WWC2: variants seen among roughly 807,000 people sequenced by gnomAD.
WWC2 encodes WW and C2 domain containing 2, also known as protein WWC2.
Under a neutral mutation model 138.5 loss-of-function variants are expected in WWC2, and 101 were observed. The ratio of observed to expected loss-of-function variants is 0.73; its 90% CI spans 0.62 to 0.86. The LOEUF is 0.86. Ranked by LOEUF, WWC2 falls within the 40% of genes least tolerant of loss-of-function variation. The pLI, the probability that WWC2 is intolerant of heterozygous loss-of-function variation, is 0.00. For missense variants in WWC2, 1,420 were observed against 1,419.4 expected (o/e 1.00, Z -0.01); for synonymous variants, 558 against 538.4 (o/e 1.04, Z -0.50).
intron 11 of WWC2, among the ~76,000 whole-genome samples, chr4:183,264,014 C>T (rs1737416887): frequency 6.6e-6 from 1 of 152,186 alleles, no homozygotes; most frequent in African/African-American, 2.4e-5. Context: ...TTGTCAAAGT[C>T]AATTTCAGGC....
Position 183,318,641 on chromosome 4 carries a change from A to G in WWC2, c.*2912A>G, listed in dbSNP as rs1318000155. ...CAAATACAAAATATTTCATGAAGAAATCCCCAGGCTGGCAGTTTGTGATGA... is the reference window on the plus strand; with the variant it reads ...CAAATACAAAATATTTCATGAAGAAGTCCCCAGGCTGGCAGTTTGTGATGA... On this transcript the variant is annotated 3_prime_UTR_variant, in exon 23 of 23. Coordinates refer to ENST00000403733, the MANE Select transcript of WWC2 (RefSeq NM_024949.6). 1 of 152,258 alleles carries G rather than the reference A, an allele frequency of 6.6e-6. No individual in the cohort carries two copies. Among genetic ancestry groups the G allele is most frequent in the Admixed American group, 6.5e-5 (1 of 15,290 alleles). 9.4% of individuals were successfully genotyped at this position (152,258 alleles called of 1,614,324 possible).
rs141073639 is a variant in WWC2 at position 183,150,674 on chromosome 4, C to T, written c.132-42925C>T. Among the ~76,000 whole-genome samples, 9 of 152,142 alleles carry T rather than the reference C, an allele frequency of 5.9e-5. No individual in the cohort carries two copies. The East Asian group carries it at 1.5e-3, about 26-fold the overall frequency. The stretch of plus-strand genomic sequence containing the variant: ...AAGTATTTCTCCTAATGCTATCCCT[C>T]CCCCATCTCCCCACCCCACAACAGG... On this transcript the variant is annotated intron_variant, in intron 1 of 22. Coordinates refer to ENST00000403733, the MANE Select transcript of WWC2 (RefSeq NM_024949.6).
chr4:183,297,049 A>G (rs1738655733), intron 21 of WWC2, among the ~76,000 whole-genome samples: 1 of 150,576 alleles, frequency 6.6e-6, no homozygotes, highest in Non-Finnish European at 1.5e-5. Context: ...ACCACAGCCC[A>G]CTACAGCCTC....
intron 1 of WWC2, among the ~76,000 whole-genome samples, chr4:183,186,667 A>C (rs1028436063): frequency 7.2e-5 from 11 of 152,134 alleles, no homozygotes; most frequent in African/African-American, 2.7e-4. Flanking sequence ...TAAGGGCAGG[A>C]GACTGGCAGG....
At chr4:183,207,392 A>G (rs1457777146) in intron 2 of WWC2, among the ~76,000 whole-genome samples, 2 of 152,222 alleles carry the variant, frequency 1.3e-5, no homozygotes, top group South Asian at 4.1e-4. Context: ...AAAAGTGAAA[A>G]TGTATACACA....
At chr4:183,230,632 G>A (rs1736215959) in intron 4 of WWC2, among the ~76,000 whole-genome samples, 2 of 152,062 alleles carry the variant, frequency 1.3e-5, no homozygotes, top group African/African-American at 4.8e-5. Flanking sequence ...AGCCGAGATT[G>A]TGTCATTGCA....
Position 183,320,409 on chromosome 4 carries a change from T to A in WWC2, c.*4680T>A, listed in dbSNP as rs1005705028. 1 of 632,380 alleles carries A rather than the reference T, an allele frequency of 1.6e-6. No individual in the cohort carries two copies. Among genetic ancestry groups the A allele is most frequent in the Non-Finnish European group, 2.8e-6 (1 of 362,272 alleles). The allele number at this position is 632,380 out of a possible 1,614,324, so 39.2% of individuals were successfully genotyped here. On this transcript the variant is annotated 3_prime_UTR_variant, in exon 23 of 23. Transcript: ENST00000403733. Reference sequence around the variant, plus strand: ...GTTTCACAAAAGGATAGGGAAATAATGCCGCCAACCAGTAATGCCAAGGTG... The same window carrying A: ...GTTTCACAAAAGGATAGGGAAATAAAGCCGCCAACCAGTAATGCCAAGGTG...
chr4:183,123,226 C>T (rs181004731), intron 1 of WWC2, among the ~76,000 whole-genome samples: 1 of 152,050 alleles, frequency 6.6e-6, no homozygotes, highest in East Asian at 1.9e-4. Flanking sequence ...AATTTGTAAA[C>T]CCAAAAAATT....
At chr4:183,261,779 T>G (rs775416162) in intron 11 of WWC2, among the ~76,000 whole-genome samples, 1 of 152,226 alleles carries the variant, frequency 6.6e-6, no homozygotes, top group East Asian at 1.9e-4. Context: ...CCAGAGACAC[T>G]CTGTGTGTGG....
chr4:183,150,352 C>T (rs559192594), intron 1 of WWC2, among the ~76,000 whole-genome samples: 1 of 152,204 alleles, frequency 6.6e-6, no homozygotes, highest in South Asian at 2.1e-4. Flanking sequence ...AGTTCAAGGT[C>T]ATCAGAGGCC....
chr4:183,124,536 C>CTTTTTTTTTTTTTTTTTT (rs370409813), intron 1 of WWC2, among the ~76,000 whole-genome samples: 3 of 122,808 alleles, frequency 2.4e-5, no homozygotes, highest in African/African-American at 6.2e-5. Flanking sequence ...TCCTTTTTCT[C>CTTTTTTTTTTTTTTTTTT]TTTTTTTTTT....
chr4:183,298,298 A>G (rs1054120864), intron 21 of WWC2, among the ~76,000 whole-genome samples: 1 of 152,220 alleles, frequency 6.6e-6, no homozygotes, highest in African/African-American at 2.4e-5. Context: ...ACAGTTCAGT[A>G]TAAAACTCCT....
At chr4:183,275,523 G>A (rs995880464) in intron 16 of WWC2, among the ~76,000 whole-genome samples, 6 of 152,094 alleles carry the variant, frequency 3.9e-5, no homozygotes, top group Non-Finnish European at 7.4e-5. Context: ...ATTAAAGGCC[G>A]TTGGATTTGT....
chr4:183,215,785 G>T (rs1382901509), intron 4 of WWC2, among the ~76,000 whole-genome samples: 1 of 152,132 alleles, frequency 6.6e-6, no homozygotes, highest in Non-Finnish European at 1.5e-5. Context: ...TCTTCACCTA[G>T]CTAAGCTACC....
chr4:183,265,826 G>A (rs761220335), intron 13 of WWC2, 39 bp from the exon 14 acceptor site: 5 of 1,609,018 alleles, frequency 3.1e-6, no homozygotes, highest in African/African-American at 2.7e-5. Context: ...CAAGTGGCCT[G>A]TGGTGATTCC....
At chr4:183,179,429 G>A (rs1357930076) in intron 1 of WWC2, among the ~76,000 whole-genome samples, 2 of 152,168 alleles carry the variant, frequency 1.3e-5, no homozygotes, top group Non-Finnish European at 2.9e-5. Flanking sequence ...ATAGAGGGAT[G>A]AGAGTGGAAA....
At position 183,319,811 on chromosome 4, in the gene WWC2, G is replaced by A. The variant is rs1437791586; in HGVS notation, c.*4082G>A. On this transcript the variant is annotated 3_prime_UTR_variant, in exon 23 of 23. Transcript: ENST00000403733. Reference sequence around the variant, plus strand: ...CCGTCTTGTGGGCAACCCAAGAGACGGGAACCAGGGCTGTGACTCCCGAGG... The same window carrying A: ...CCGTCTTGTGGGCAACCCAAGAGACAGGAACCAGGGCTGTGACTCCCGAGG... 15 of 1,613,880 alleles carry A rather than the reference G, an allele frequency of 9.3e-6. No homozygotes were observed. The highest frequency in any genetic ancestry group is 1.6e-4 in the Middle Eastern group (1 of 6,078).
At position 183,261,145 on chromosome 4, in the gene WWC2, A is replaced by G. The variant is rs768943516; in HGVS notation, c.1522A>G (p.Asn508Asp). The G allele has an allele frequency of 6.2e-7, 1 of 1,613,976 alleles. No homozygotes were observed. Among genetic ancestry groups the G allele is most frequent in the South Asian group, 1.1e-5 (1 of 91,070 alleles). The change falls in exon 11 of 23, where the codon AAC becomes GAC. Residue 508 changes from asparagine (N) to aspartate (D), a missense_variant. Asn to Asp is a conservative substitution (Grantham distance 23, BLOSUM62 1). Transcript: ENST00000403733. ...PSGPITTIHENEVVKSPSQPG... is the reference protein window; with the variant it reads ...PSGPITTIHEDEVVKSPSQPG... The stretch of plus-strand genomic sequence containing the variant: ...TGGACCCATCACCACCATCCATGAA[A>G]ACGAGGTGGTCAAGTCCCCTAGCCA...
chr4:183,290,160 C>T (rs894654255), intron 21 of WWC2, among the ~76,000 whole-genome samples: 11 of 152,232 alleles, frequency 7.2e-5, no homozygotes, highest in Middle Eastern at 6.8e-3. Context: ...TATTGACATT[C>T]TCCCTTACCT....
Sources: gnomAD v4.1 joint callset for allele counts (sites outside exome capture counted in the v4.1 genomes callset) on GRCh38, gnomAD v4.1.1 for gene constraint, MANE v1.5 for transcripts, NCBI Gene and HGNC (gene_info 2026-07-23, HGNC 2026-07-21) for gene names.